Variants in GARNL3 observed in about 807,000 individuals in gnomAD.
GARNL3 encodes GTPase-activating Rap/Ran-GAP domain-like protein 3.
In GARNL3, 63 loss-of-function variants were observed where a neutral mutation model predicts 125.0. The ratio of observed to expected loss-of-function variants is 0.50; its 90% CI spans 0.41 to 0.62. GARNL3 has a LOEUF of 0.62. Among genes scored for constraint, GARNL3 ranks in the 20% least tolerant of loss-of-function variants. The pLI, the probability that GARNL3 is intolerant of heterozygous loss-of-function variation, is 0.00. For missense variants in GARNL3, 994 were observed against 1,244.0 expected (o/e 0.80, Z 3.02); for synonymous variants, 439 against 457.5 (o/e 0.96, Z 0.52).
chr9:127,309,928 A>G (rs980057192), intron 2 of GARNL3, among the ~76,000 whole-genome samples: 1 of 152,218 alleles, frequency 6.6e-6, no homozygotes, highest in African/African-American at 2.4e-5. Flanking sequence ...CACGATGGAG[A>G]TATCAACAAA....
At chr9:127,369,681 G>A (rs1219645521) in intron 22 of GARNL3, among the ~76,000 whole-genome samples, 3 of 152,348 alleles carry the variant, frequency 2.0e-5, no homozygotes, top group African/African-American at 4.8e-5. Context: ...TTTCACAGGG[G>A]TTGTGAGGCG....
intron 16 of GARNL3, among the ~76,000 whole-genome samples, chr9:127,347,879 C>T (rs1830223951): frequency 6.6e-6 from 1 of 152,032 alleles, no homozygotes; most frequent in African/African-American, 2.4e-5. Flanking sequence ...CTTTTTGAGA[C>T]CGTGCATTTC....
intron 2 of GARNL3, among the ~76,000 whole-genome samples, chr9:127,303,823 T>C (rs960621701): frequency 1.3e-5 from 2 of 152,170 alleles, no homozygotes; most frequent in African/African-American, 4.8e-5. Context: ...CCTCAAAATA[T>C]CCTGGCCAGA....
intron 1 of GARNL3, among the ~76,000 whole-genome samples, chr9:127,287,003 C>T (rs765592272): frequency 6.6e-6 from 1 of 152,166 alleles, no homozygotes; most frequent in Non-Finnish European, 1.5e-5. Context: ...CCAGATCCCT[C>T]TGGTCATTGG....
In GARNL3 at chr9:127,266,859, T is replaced by G. The variant is rs2063717040; in HGVS notation, c.144+1838T>G. Among the ~76,000 whole-genome samples, 1 of 152,192 alleles carries G rather than the reference T, an allele frequency of 6.6e-6. No homozygotes were observed. Among genetic ancestry groups the G allele is most frequent in the African/African-American group, 2.4e-5 (1 of 41,444 alleles). ...TTACTTGGGGGAGATAACATGGGTG[T>G]GAAAGATGGACTCTTTAAAGATGTG... On this transcript the variant is annotated intron_variant, in intron 1 of 27. Transcript: ENST00000373387. This position sits in a 1 kb window ranked among gnomAD's most constrained non-coding sequence, Gnocchi z 4.0.
chr9:127,332,412 C>T, intron 8 of GARNL3, 63 bp downstream of exon 8: 1 of 1,290,424 alleles, frequency 7.7e-7, no homozygotes, highest in African/African-American at 1.5e-5. Flanking sequence ...GCATTCTTGC[C>T]AGTTGGAGCT....
chr9:127,333,877 A>C (rs1430357634), intron 9 of GARNL3, among the ~76,000 whole-genome samples: 1 of 152,118 alleles, frequency 6.6e-6, no homozygotes, highest in African/African-American at 2.4e-5. Flanking sequence ...GGTTTCAAGT[A>C]GGGGAGTGGT....
At chr9:127,328,011 C>T (rs1230221574) in intron 7 of GARNL3, among the ~76,000 whole-genome samples, 1 of 152,094 alleles carries the variant, frequency 6.6e-6, no homozygotes, top group African/African-American at 2.4e-5. Context: ...CATGCACATG[C>T]CTGTTGTAAC....
intron 1 of GARNL3, among the ~76,000 whole-genome samples, chr9:127,231,182 G>A (rs2063008209): frequency 7.0e-6 from 1 of 143,428 alleles, no homozygotes; most frequent in Admixed American, 6.9e-5. Context: ...AGCTTCCCTA[G>A]TAGCTGGGAC....
chr9:127,363,138 A>T (rs1831101186), intron 21 of GARNL3: 1 of 152,520 alleles, frequency 6.6e-6, no homozygotes, highest in Non-Finnish European at 1.5e-5. Context: ...ACAAACAGAC[A>T]AGAGAGCACC....
At chr9:127,330,319 A>AACCATAAAACCCTAAAGTGAATAGAGGT (rs1829152042) in intron 7 of GARNL3, among the ~76,000 whole-genome samples, 2 of 152,234 alleles carry the variant, frequency 1.3e-5, no homozygotes, top group Non-Finnish European at 2.9e-5. Context: ...AAAAGTTATA[A>AACCATAAAACCCTAAAGTGAATAGAGGT]ACCATAAAAC....
chr9:127,280,624 G>A lies in GARNL3; in HGVS notation c.145-10544G>A, dbSNP rs1479905062. On this transcript the variant is annotated intron_variant, in intron 1 of 27. Coordinates refer to ENST00000373387, the MANE Select transcript of GARNL3 (RefSeq NM_032293.5). This position sits in a 1 kb window ranked among gnomAD's most constrained non-coding sequence, Gnocchi z 4.5. ...TAAGTAGAAAATGTCTTGATATTTT[G>A]GACGTAGAATTGCCAATCATTCCTT... 6.6e-6 allele frequency among the ~76,000 whole-genome samples: 1 copy of A among 152,154 alleles called. No homozygotes were observed. Among genetic ancestry groups the A allele is most frequent in the African/African-American group, 2.4e-5 (1 of 41,430 alleles).
rs772981436 is a variant in GARNL3, at chr9:127,311,624, G to C, written c.220-12G>C. On this transcript the variant is annotated splice_polypyrimidine_tract_variant and intron_variant, in intron 2 of 27. Transcript: ENST00000373387. ...ATAAGCCTCTTAATGTCACAACTTT[G>C]TTCCATTACAGAATGCAACTGCCCT... 34 of 1,597,922 alleles carry C rather than the reference G, an allele frequency of 2.1e-5. No individual in the cohort carries two copies. Among genetic ancestry groups the C allele is most frequent in the Non-Finnish European group, 2.8e-5 (33 of 1,165,650 alleles).
At chr9:127,304,439 C>T (rs1434524023) in intron 2 of GARNL3, among the ~76,000 whole-genome samples, 1 of 151,508 alleles carries the variant, frequency 6.6e-6, no homozygotes, top group Admixed American at 6.6e-5. Flanking sequence ...ACTGAACACA[C>T]ATACGTCTGT....
At chr9:127,225,876 CG>C (rs1041509211) in intron 1 of GARNL3, among the ~76,000 whole-genome samples, 1 of 151,308 alleles carries the variant, frequency 6.6e-6, no homozygotes, top group Non-Finnish European at 1.5e-5. Flanking sequence ...GGCCTCTGCC[CG>C]GGCCGCCGGC....
intron 16 of GARNL3, among the ~76,000 whole-genome samples, chr9:127,347,585 C>T (rs1286969976): frequency 6.6e-6 from 1 of 152,118 alleles, no homozygotes; most frequent in African/African-American, 2.4e-5. Flanking sequence ...CTTGTGTCTT[C>T]TGGGCAGAAA....
chr9:127,275,927 A>T (rs943483346), intron 1 of GARNL3, among the ~76,000 whole-genome samples: 2 of 152,114 alleles, frequency 1.3e-5, no homozygotes, highest in Admixed American at 6.6e-5. Flanking sequence ...TGCATAATAG[A>T]TGTGAAGGCT....
rs1310466361 is a variant in GARNL3, at chr9:127,333,097, T to C, written c.745T>C (p.Tyr249His). ...AATCACTCTAAAGGGCTGGACGGGC[T>C]ACCGTGGCGGTCTGGATACCAAAAG... The part of the protein sequence containing the change: ...DTITLKGWTG[Y>H]RGGLDTKNDT... Residue 249 changes from tyrosine (Y) to histidine (H), a missense_variant, in exon 9 of 28, where the codon TAC (tyrosine) becomes CAC (histidine). Physicochemically the swap from Tyr to His is moderately conservative, Grantham distance 83. Transcript: ENST00000373387. The C allele has an allele frequency of 6.2e-7, 1 of 1,614,006 alleles. No homozygotes were observed. Among genetic ancestry groups the C allele is most frequent in the East Asian group, 2.2e-5 (1 of 44,876 alleles).
In GARNL3 at chr9:127,332,280, G is replaced by T. The variant is rs757285948; in HGVS notation, c.601G>T (p.Val201Leu). The T allele has an allele frequency of 3.7e-6, 6 of 1,612,734 alleles. 1 individual carries two copies. In the South Asian group the frequency reaches 6.6e-5, roughly 18 times the overall value. Residue 201 changes from valine (V) to leucine (L), a missense_variant, in exon 8 of 28, where the codon GTG (valine) becomes TTG (leucine). This residue lies in a region of GARNL3 where 139 missense variants were observed against 231.6 expected (regional missense o/e 0.60). Coordinates refer to ENST00000373387, the MANE Select transcript of GARNL3 (RefSeq NM_032293.5). ...CTTTTGTTATTATCCTAAGGGCTCT[G>T]TGAATTTCAAGTTTGGGGTTCTTTT... Reference protein sequence around the residue: ...LLVLEEQEGSVNFKFGVLFAK... With the variant: ...LLVLEEQEGSLNFKFGVLFAK...
Sources: allele counts gnomAD v4.1 joint callset (sites outside exome capture counted in the v4.1 genomes callset), GRCh38; gene constraint gnomAD v4.1.1; regional missense constraint gnomAD v4.1.1; non-coding constraint Gnocchi (gnomAD v3.1); transcripts MANE v1.5; gene names NCBI Gene and HGNC (gene_info 2026-07-23, HGNC 2026-07-21).